Variants in ZAN observed in about 807,000 individuals in gnomAD.
ZAN encodes the protein zonadhesin (gene/pseudogene).
In ZAN, 260 loss-of-function variants were observed where a neutral mutation model predicts 286.2. That is an observed-to-expected ratio of 0.91 (90% CI 0.82 to 1.01). ZAN has a LOEUF of 1.01. Ranked by LOEUF, ZAN falls within the 50% of genes least tolerant of loss-of-function variation. The pLI is 0.00. For missense variants in ZAN, 3,410 were observed against 3,639.2 expected (o/e 0.94, Z 1.62); for synonymous variants, 1,368 against 1,417.5 (o/e 0.97, Z 0.79).
In ZAN at chr7:100,746,563, C is replaced by T. The variant is rs1239990629; in HGVS notation, c.792C>T (p.Pro264=). The part of the protein sequence containing the change: ...PGSGCYMLLD[P]KNARPGQKAV... ...GTGGCTGCTACATGCTCCTGGACCC[C>T]AAGAATGCAAGACCTGGGCAGAAAG... The change falls in exon 8 of 48, where the codon CCC becomes CCT. Residue 264 remains proline (P), a synonymous_variant. Transcript: ENST00000613979. 6.2e-7 allele frequency: 1 copy of T among 1,613,846 alleles called. No homozygotes were observed. The highest frequency in any genetic ancestry group is 1.3e-5 in the African/African-American group (1 of 74,920).
At chr7:100,742,284 A>G in intron 7 of ZAN, among the ~76,000 whole-genome samples, 1 of 98,196 alleles carries the variant, frequency 1.0e-5, no homozygotes. Context: ...CCGGGCAGAG[A>G]CGCTCCTCAC....
At chr7:100,769,102 T>G (rs1409319821) in intron 27 of ZAN, among the ~76,000 whole-genome samples, 3 of 151,860 alleles carry the variant, frequency 2.0e-5, no homozygotes, top group African/African-American at 7.3e-5. Context: ...TGTTTTGTTT[T>G]GTTGTTTTTG....
chr7:100,748,025 G>C (rs1239951187), intron 9 of ZAN, 112 bp from the exon 10 acceptor site: 7 of 827,896 alleles, frequency 8.5e-6, no homozygotes, highest in Non-Finnish European at 1.4e-5. Context: ...TGAATTGAGG[G>C]TCTGGGCACA....
rs545951012 is a variant in ZAN, at chr7:100,786,047, G to A, written c.6885G>A (p.Thr2295=). ...GTTGCACGGAGAAGTGTGTCTGCAC[G>A]GGAGGAGCCATTCAGTGCGGGGACT... The part of the protein sequence containing the change: ...SSGCTEKCVC[T]GGAIQCGDFR... The change falls in exon 37 of 48, where the codon ACG becomes ACA. Residue 2295 remains threonine, a synonymous_variant. Transcript: ENST00000613979. 74 of 1,614,004 alleles carry A rather than the reference G, an allele frequency of 4.6e-5. No homozygotes were observed. In the East Asian group the frequency reaches 1.3e-3, roughly 29 times the overall value.
At chr7:100,765,263 T>C in intron 22 of ZAN, 89 bp from the exon 23 acceptor site, 1 of 1,405,860 alleles carries the variant, frequency 7.1e-7, no homozygotes, top group Non-Finnish European at 9.8e-7. Flanking sequence ...AGCCTGGAGC[T>C]GGGGCCCTTC....
In ZAN at chr7:100,794,260, T is replaced by G. The variant is rs1478391417; in HGVS notation, c.8125+2T>G. The G allele has an allele frequency of 6.3e-7, 1 of 1,597,248 alleles. No homozygotes were observed. Among genetic ancestry groups the G allele is most frequent in the African/African-American group, 1.3e-5 (1 of 74,702 alleles). On this transcript the variant is annotated splice_donor_variant, in intron 44 of 47. Transcript: ENST00000613979. LOFTEE classifies it high-confidence loss of function. ...ACCACACCCAAGGCTGCTTTCCAGG[T>G]GAACCTGCACTCCTGCCCGGTTCCA...
In ZAN at chr7:100,776,529, T is replaced by C; in HGVS notation, c.6282T>C (p.Phe2094=). The C allele has an allele frequency of 6.4e-7, 1 of 1,567,258 alleles. No individual in the cohort carries two copies. The highest frequency in any genetic ancestry group is 1.2e-5 in the South Asian group (1 of 85,002). The change falls in exon 34 of 48, where the codon TTT becomes TTC. Residue 2094 remains phenylalanine (F), a synonymous_variant. Transcript: ENST00000613979. The part of the protein sequence containing the change: ...SDEVANSDSE[F]VNSWKDKDID... ...AAGTAGCAAATAGTGACAGTGAATT[T>C]GTGAACAGTTGGAAAGATAAGGACA...
chr7:100,776,663 CCCCTT>C lies in ZAN; in HGVS notation c.6317+102_6317+106del, dbSNP rs1316665611. 25 of 548,418 alleles carry C rather than the reference CCCCTT, an allele frequency of 4.6e-5. 1 individual carries two copies. The highest frequency in any genetic ancestry group is 5.4e-5 in the Non-Finnish European group (20 of 370,380). The allele number at this position is 548,418 out of a possible 1,614,324, so 34.0% of individuals were successfully genotyped here. On this transcript the variant is annotated intron_variant, in intron 34 of 47. Coordinates refer to ENST00000613979, the MANE Select transcript of ZAN (RefSeq NM_003386.3). ...TCCCTTCCCTCCCCTCCCCTCCCCT[CCCCTT>C]CCTTCCTTTCTTCCTTTCTCTCTTT...
chr7:100,756,673 C>T (rs1809169082), intron 15 of ZAN, among the ~76,000 whole-genome samples: 1 of 151,986 alleles, frequency 6.6e-6, no homozygotes, highest in Admixed American at 6.6e-5. Context: ...CTTCCCTCTG[C>T]CCTAGGAGGC....
chr7:100,736,392 G>A, intron 3 of ZAN, 91 bp from the exon 4 acceptor site: 1 of 1,339,876 alleles, frequency 7.5e-7, no homozygotes, highest in Non-Finnish European at 1.1e-6. Flanking sequence ...CTTTCTCTAA[G>A]TGTAGCAATC....
intron 37 of ZAN, among the ~76,000 whole-genome samples, chr7:100,787,454 G>A (rs1811631810): frequency 6.6e-6 from 1 of 152,050 alleles, no homozygotes; most frequent in Admixed American, 6.6e-5. Flanking sequence ...GAAAAGAAAG[G>A]ATCCAGGGAG....
At chr7:100,747,674 A>T (rs138195707) in intron 9 of ZAN, 33 bp downstream of exon 9, 1 of 1,573,144 alleles carries the variant, frequency 6.4e-7, no homozygotes, top group East Asian at 2.2e-5. Context: ...GTCCTTGCAC[A>T]TGGTAGGCAC....
At chr7:100,794,902 A>AGAGGGGAGAGGAGAG (rs1230588082) in intron 44 of ZAN, among the ~76,000 whole-genome samples, 2 of 141,110 alleles carry the variant, frequency 1.4e-5, no homozygotes, top group Non-Finnish European at 3.0e-5. Flanking sequence ...GGGAGGGAGG[A>AGAGGGGAGAGGAGAG]GAGGGGAGAG....
In ZAN at chr7:100,775,507, C is replaced by T. The variant is rs765255337; in HGVS notation, c.5959C>T (p.Arg1987Cys). 1.6e-5 allele frequency: 26 copies of T among 1,613,814 alleles called. No individual in the cohort carries two copies. The highest frequency in any genetic ancestry group is 6.7e-5 in the Admixed American group (4 of 59,980). Residue 1987 changes from arginine to cysteine, a missense_variant, in exon 32 of 48, where the codon CGC (arginine) becomes TGC (cysteine). Physicochemically the swap from Arg to Cys is radical, Grantham distance 180 (BLOSUM62 -3). Around this residue, in one of 7 missense-constraint regions of ZAN, gnomAD observed 1,289 missense variants for 1,314.3 expected, o/e 0.98. Transcript: ENST00000613979. Reference protein sequence around the residue: ...EKEEGGTEAFRLHEVYIDIYD... With the variant: ...EKEEGGTEAFCLHEVYIDIYD... ...GGAGGAAGGTGGAACTGAGGCTTTCCGCCTTCATGAGGTCTACATTGACAT... is the reference window on the plus strand; with the variant it reads ...GGAGGAAGGTGGAACTGAGGCTTTCTGCCTTCATGAGGTCTACATTGACAT...
In ZAN at chr7:100,735,712, C is replaced by A. The variant is rs1444624692; in HGVS notation, c.54-8C>A. ...TTGCATTTTTGCTTTCTTCAAACGACCCCCAAGGAAAGAGAAGCCTCCGGA... is the reference window on the plus strand; with the variant it reads ...TTGCATTTTTGCTTTCTTCAAACGAACCCCAAGGAAAGAGAAGCCTCCGGA... On this transcript the variant is annotated splice_polypyrimidine_tract_variant and splice_region_variant and intron_variant, in intron 2 of 47. Coordinates refer to ENST00000613979, the MANE Select transcript of ZAN (RefSeq NM_003386.3). 1 of 1,504,130 alleles carries A rather than the reference C, an allele frequency of 6.6e-7. No homozygotes were observed. The highest frequency in any genetic ancestry group is 9.1e-7 in the Non-Finnish European group (1 of 1,097,208). 93.2% of individuals were successfully genotyped at this position (1,504,130 alleles called of 1,614,324 possible).
chr7:100,768,626 C>T lies in ZAN; in HGVS notation c.5058C>T (p.Asn1686=). ...LCGLCGNYNN[N]SLDDNLRPDR... ...CTCCTCTAGGGAACTACAACAACAA[C>T]AGCTTGGATGACAACCTGCGCCCCG... Residue 1686 remains asparagine, a synonymous_variant, in exon 27 of 48, where the codon AAC becomes AAT. Coordinates refer to ENST00000613979, the MANE Select transcript of ZAN (RefSeq NM_003386.3). The T allele has an allele frequency of 6.2e-6, 10 of 1,609,638 alleles. No individual in the cohort carries two copies. Among genetic ancestry groups the T allele is most frequent in the Non-Finnish European group, 8.5e-6 (10 of 1,177,874 alleles).
In ZAN at chr7:100,738,606, C is replaced by T. The variant is rs1807473941; in HGVS notation, c.759C>T (p.Ser253=). The change falls in exon 7 of 48, where the codon AGC becomes AGT. Residue 253 remains serine (S), a synonymous_variant. Transcript: ENST00000613979. ...PGVGPDGDFS[S]PGSGCYMLLD... ...TGGGGCCTGATGGCGACTTCTCTAG[C>T]CCTGGTAGTGAGTAGCGGCCATGCT... The T allele has an allele frequency of 6.6e-7, 1 of 1,517,168 alleles. No individual in the cohort carries two copies. The highest frequency in any genetic ancestry group is 9.1e-7 in the Non-Finnish European group (1 of 1,104,718). The allele number at this position is 1,517,168 out of a possible 1,614,324, so 94.0% of individuals were successfully genotyped here.
intron 9 of ZAN, 139 bp downstream of exon 9, chr7:100,747,780 C>A: frequency 1.2e-6 from 1 of 858,572 alleles, no homozygotes; most frequent in Non-Finnish European, 1.8e-6. Flanking sequence ...CGCTTCAGGA[C>A]AGGAGTTCAA....
rs760627070 is a variant in ZAN at position 100,758,540 on chromosome 7, C to A, written c.3461C>A (p.Ala1154Asp). 1.3e-6 allele frequency: 2 copies of A among 1,559,644 alleles called. No homozygotes were observed. The highest frequency in any genetic ancestry group is 2.4e-5 in the South Asian group (2 of 84,614). Residue 1154 changes from alanine to aspartate, a missense_variant, in exon 17 of 48, where the codon GCC becomes GAC. Physicochemically the swap from Ala to Asp is moderately radical, Grantham distance 126 (BLOSUM62 -2). Coordinates refer to ENST00000613979, the MANE Select transcript of ZAN (RefSeq NM_003386.3). ...QYGCHPYAGT[A>D]TCLVYGDPHY... Reference sequence around the variant, plus strand: ...TCCTTCCCCCTCCCAGCAGGCACTGCCACCTGCTTGGTCTACGGAGACCCT... The same window carrying A: ...TCCTTCCCCCTCCCAGCAGGCACTGACACCTGCTTGGTCTACGGAGACCCT...
Sources: gnomAD v4.1 joint callset for allele counts (sites outside exome capture counted in the v4.1 genomes callset) on GRCh38, gnomAD v4.1.1 for gene constraint, gnomAD v4.1.1 regional missense constraint, MANE v1.5 for transcripts, NCBI Gene and HGNC (gene_info 2026-07-23, HGNC 2026-07-21) for gene names.